The following MYO7A variants were observed in gnomAD, a reference collection of about 807,000 sequenced individuals.
MYO7A encodes the protein myosin VIIA.
A neutral mutation model predicts 263.8 loss-of-function variants in MYO7A; 210 were observed. The observed-to-expected ratio is 0.80, with a 90% CI of 0.71 to 0.89. MYO7A has a LOEUF of 0.89. Ranked by LOEUF, MYO7A falls within the 40% of genes least tolerant of loss-of-function variation. The pLI is 0.00. For synonymous variants in MYO7A, 1,239 were observed against 1,197.3 expected (o/e 1.03, Z -0.72); for missense variants, 2,820 against 2,968.3 (o/e 0.95, Z 1.16).
rs1196046502 is a variant in MYO7A at position 77,138,567 on chromosome 11, G to A, written c.19-4142G>A. Among the ~76,000 whole-genome samples the A allele has an allele frequency of 6.6e-6, 1 of 152,184 alleles. No individual in the cohort carries two copies. Among genetic ancestry groups the A allele is most frequent in the African/African-American group, 2.4e-5 (1 of 41,464 alleles). On this transcript the variant is annotated intron_variant, in intron 2 of 48. Transcript: ENST00000409709. The surrounding 1 kb of genome is among the most constrained non-coding windows in gnomAD (Gnocchi z 4.9). ...ACTGCGGCCCTAGGATGCCACCTGC[G>A]GTCTCTGACCTCCCCCAGTGTGAAC...
intron 4 of MYO7A, among the ~76,000 whole-genome samples, chr11:77,154,411 T>G (rs781889515): frequency 3.3e-5 from 5 of 152,126 alleles, no homozygotes; most frequent in South Asian, 2.1e-4. Context: ...GATCTGAGAA[T>G]TCAGCAGCCC....
At chr11:77,147,292 G>A (rs762475124) in intron 3 of MYO7A, among the ~76,000 whole-genome samples, 2 of 151,104 alleles carry the variant, frequency 1.3e-5, no homozygotes, top group East Asian at 2.0e-4. Context: ...CCACCTCCTC[G>A]GAGGGGCAGT....
At chr11:77,186,378 C>T (rs981840223) in intron 27 of MYO7A, among the ~76,000 whole-genome samples, 10 of 152,182 alleles carry the variant, frequency 6.6e-5, no homozygotes, top group Non-Finnish European at 1.5e-4. Flanking sequence ...TATGAAAGTC[C>T]TAGATGACAT....
In MYO7A at chr11:77,211,064, C is replaced by A. The variant is rs887379001; in HGVS notation, c.6052-88C>A. 1.9e-5 allele frequency: 24 copies of A among 1,282,614 alleles called. No individual in the cohort carries two copies. In the East Asian group the frequency reaches 5.9e-4, roughly 31 times the overall value. The allele number at this position is 1,282,614 out of a possible 1,614,324, so 79.5% of individuals were successfully genotyped here. A position where few individuals can be genotyped will look rare whatever the true frequency, so the allele number is the denominator to read the frequency against. On this transcript the variant is annotated intron_variant, in intron 44 of 48. Coordinates refer to ENST00000409709, the MANE Select transcript of MYO7A (RefSeq NM_000260.4). ...CCCATGTGCGGGGTAAGGTGGTAGA[C>A]CCCGGCGTTGGGGGTCTTGGTGTGG...
At chr11:77,158,864 T>A (rs1392279555) in intron 9 of MYO7A, among the ~76,000 whole-genome samples, 1 of 152,206 alleles carries the variant, frequency 6.6e-6, no homozygotes, top group Non-Finnish European at 1.5e-5. Context: ...ACCCACTATG[T>A]GCCAGGCTGG....
intron 34 of MYO7A, among the ~76,000 whole-genome samples, chr11:77,199,158 C>T (rs1956890428): frequency 6.6e-6 from 1 of 152,180 alleles, no homozygotes; most frequent in Admixed American, 6.5e-5. Context: ...GGGCTGGAGT[C>T]AGACTGTGTC....
Position 77,160,268 on chromosome 11 carries a change from G to T in MYO7A, c.1186G>T (p.Asp396Tyr). ...LSREQALDVR[D>Y]AFVKGIYGRL... ...CAGGGAACAGGCACTGGACGTGCGC[G>T]ACGCCTTCGTAAAGGTGGGCTGGAG... The change falls in exon 11 of 49, where the codon GAC (aspartate) becomes TAC (tyrosine). Residue 396 changes from aspartate to tyrosine, a missense_variant. Transcript: ENST00000409709. The T allele has an allele frequency of 6.4e-7, 1 of 1,566,052 alleles. No homozygotes were observed.
In MYO7A at chr11:77,206,121, G is replaced by C; in HGVS notation, c.5661G>C (p.Pro1887=). 2 of 1,612,978 alleles carry C rather than the reference G, an allele frequency of 1.2e-6. No homozygotes were observed. The highest frequency in any genetic ancestry group is 1.7e-6 in the Non-Finnish European group (2 of 1,179,560). Residue 1887 remains proline (P), a synonymous_variant, in exon 41 of 49, where the codon CCG becomes CCC. Coordinates refer to ENST00000409709, the MANE Select transcript of MYO7A (RefSeq NM_000260.4). ...ALRNGSRKYP[P]HLVEVEAIQH... ...GAAACGGGTCCCGGAAGTACCCTCC[G>C]CACCTGGTGGAGGTGGAGGCCATCC...
intron 4 of MYO7A, among the ~76,000 whole-genome samples, chr11:77,152,049 C>A (rs1438505680): frequency 2.0e-5 from 3 of 152,186 alleles, no homozygotes; most frequent in Non-Finnish European, 4.4e-5. Flanking sequence ...CAGAGGCCTT[C>A]TGAGGAAGTA....
At chr11:77,199,429 G>A (rs1175965829) in intron 34 of MYO7A, 106 bp from the exon 35 acceptor site, 3 of 1,267,088 alleles carry the variant, frequency 2.4e-6, no homozygotes, top group South Asian at 3.8e-5. Flanking sequence ...GGCCATGCCT[G>A]ACTCTGGCCA....
At chr11:77,150,684 C>A (rs1951898668) in intron 4 of MYO7A, among the ~76,000 whole-genome samples, 1 of 152,126 alleles carries the variant, frequency 6.6e-6, no homozygotes, top group South Asian at 2.1e-4. Context: ...TGTCCAGGAC[C>A]CCTGGCCGGG....
intron 35 of MYO7A, among the ~76,000 whole-genome samples, 195 bp from the exon 36 acceptor site, chr11:77,201,253 T>C (rs1227691837): frequency 6.6e-6 from 1 of 152,070 alleles, no homozygotes; most frequent in Non-Finnish European, 1.5e-5. Flanking sequence ...CCAAGGGCAA[T>C]GAGGAGCCGT....
At chr11:77,202,279 C>A in intron 36 of MYO7A, 21 bp from the exon 37 acceptor site, 1 of 1,571,664 alleles carries the variant, frequency 6.4e-7, no homozygotes, top group Non-Finnish European at 8.6e-7. Flanking sequence ...TGACCTGAGC[C>A]CCCTGTCTCT....
chr11:77,173,076 A>T lies in MYO7A; in HGVS notation c.1935+191A>T, dbSNP rs948968. On this transcript the variant is annotated intron_variant, in intron 16 of 48. Coordinates refer to ENST00000409709, the MANE Select transcript of MYO7A (RefSeq NM_000260.4). ...AGCAGGTGCCTTGGAAAGAGCCTAG[A>T]CTCTGCGGGGGGTTGCAGCAGGTTC... Among the ~76,000 whole-genome samples the T allele has an allele frequency of 0.57, 86,851 of 152,100 alleles. 25,050 individuals are homozygous for T. The highest frequency in any genetic ancestry group is 0.65 in the African/African-American group (27,068 of 41,508).
chr11:77,211,625 G>A (rs996106829), intron 45 of MYO7A, among the ~76,000 whole-genome samples, 196 bp from the exon 46 acceptor site: 71 of 152,282 alleles, frequency 4.7e-4, no homozygotes, highest in African/African-American at 1.6e-3. Context: ...AAGGGAGGTC[G>A]GGAGTCCATT....
At position 77,193,058 on chromosome 11, in the gene MYO7A, G is replaced by GTGTTGATGGTGGGGAGGTAGTGATGGTGT. The variant is rs1406649203; in HGVS notation, c.4152+785_4152+786insATGGTGGGGAGGTAGTGATGGTGTTGTTG. Among the ~76,000 whole-genome samples, 2 of 123,520 alleles carry GTGTTGATGGTGGGGAGGTAGTGATGGTGT rather than the reference G, an allele frequency of 1.6e-5. 1 individual carries two copies. 81.0% of individuals were successfully genotyped at this position (123,520 alleles called of 152,430 possible). ...GTTGGTGATGGTGGAGGTGGTGATG[G>GTGTTGATGGTGGGGAGGTAGTGATGGTGT]TGTTGGTGATGGTGGAGGTAGTTGT... is the stretch of plus-strand genomic sequence containing the variant. On this transcript the variant is annotated intron_variant, in intron 31 of 48. Transcript: ENST00000409709.
chr11:77,157,418 A>AG (rs782230227), intron 8 of MYO7A, 26 bp downstream of exon 8: 1 of 1,521,880 alleles, frequency 6.6e-7, no homozygotes, highest in Non-Finnish European at 9.0e-7. Flanking sequence ...GCCCCTGGGT[A>AG]GGGGGGCACC....
At position 77,212,500 on chromosome 11, in the gene MYO7A, G is replaced by A. The variant is rs537844665; in HGVS notation, c.6355-452G>A. The A allele has an allele frequency of 1.6e-3, 558 of 342,170 alleles. 4 individuals carry two copies. The highest frequency in any genetic ancestry group is 0.013 in the Middle Eastern group (12 of 948). The allele number at this position is 342,170 out of a possible 1,614,324, so 21.2% of individuals were successfully genotyped here. Reference sequence around the variant, plus strand: ...TTGGAGGGTTTTGAACACAGGTGACGTGGCCAGAAAGCCTCTCAGGCTGCG... The same window carrying A: ...TTGGAGGGTTTTGAACACAGGTGACATGGCCAGAAAGCCTCTCAGGCTGCG... On this transcript the variant is annotated intron_variant, in intron 46 of 48. Coordinates refer to ENST00000409709, the MANE Select transcript of MYO7A (RefSeq NM_000260.4).
chr11:77,189,465 G>C lies in MYO7A; in HGVS notation c.3625G>C (p.Val1209Leu). 6.2e-7 allele frequency: 1 copy of C among 1,613,844 alleles called. No individual in the cohort carries two copies. Among genetic ancestry groups the C allele is most frequent in the Non-Finnish European group, 8.5e-7 (1 of 1,179,856 alleles). ...VGCFAPSEKF[V>L]KYLRNFIHGG... Reference sequence around the variant, plus strand: ...CTGTTTCGCCCCCTCCGAGAAGTTTGTCAAGGTAGGAAGGTGCCTGGCCTC... The same window carrying C: ...CTGTTTCGCCCCCTCCGAGAAGTTTCTCAAGGTAGGAAGGTGCCTGGCCTC... Residue 1209 changes from valine (V) to leucine (L), a missense_variant, in exon 28 of 49, where the codon GTC becomes CTC. Transcript: ENST00000409709.
Sources: gnomAD v4.1 joint callset for allele counts (sites outside exome capture counted in the v4.1 genomes callset) on GRCh38, gnomAD v4.1.1 for gene constraint, Gnocchi (gnomAD v3.1) non-coding constraint, MANE v1.5 for transcripts, NCBI Gene and HGNC (gene_info 2026-07-23, HGNC 2026-07-21) for gene names.